The following STRN variants were observed in gnomAD, a reference collection of about 807,000 sequenced individuals.
STRN encodes the protein protein phosphatase 2 regulatory subunit B'''alpha.
STRN carries 53 observed loss-of-function variants against 96.3 expected under a neutral mutation model. That is an observed-to-expected ratio of 0.55 (90% confidence interval 0.44 to 0.69). The LOEUF (loss-of-function observed/expected upper bound fraction) is 0.69, where lower values mean the gene tolerates loss of function less well. Ranked by LOEUF, STRN falls within the 30% of genes least tolerant of loss-of-function variation. The probability of loss-of-function intolerance (pLI) is 0.00; values close to 1 mark genes in which losing one functional copy is unlikely to be tolerated. For missense variants in STRN, 987 were observed against 963.9 expected, an observed-to-expected ratio of 1.02 and a Z score of -0.32; for synonymous variants, 428 against 355.9, an observed-to-expected ratio of 1.20 and a Z score of -2.28.
At chr2:36,862,569 G>A (rs553288981) in intron 12 of STRN, among the ~76,000 whole-genome samples, 4 of 152,090 alleles carry the variant, frequency 2.6e-5, no homozygotes, top group Admixed American at 2.6e-4. Context: ...ATCTGTTCAT[G>A]TTCTTTGCCC....
At chr2:36,904,392 G>A (rs1344770972) in intron 4 of STRN, among the ~76,000 whole-genome samples, 1 of 152,110 alleles carries the variant, frequency 6.6e-6, no homozygotes, top group Non-Finnish European at 1.5e-5. Context: ...ATTTTACTGA[G>A]GCACAAATCT....
rs1572624049 is a variant in STRN at position 36,855,275 on chromosome 2, T to C, written c.1915A>G (p.Thr639Ala). The C allele has an allele frequency of 6.2e-7, 1 of 1,613,942 alleles. No homozygotes were observed. The highest frequency in any genetic ancestry group is 2.2e-5 in the East Asian group (1 of 44,858). Residue 639 changes from threonine to alanine, a missense_variant, in exon 15 of 18, where the codon ACA becomes GCA. Transcript: ENST00000263918. The part of the protein sequence containing the change: ...HMVASFSKGY[T>A]SIFNMETQQR... ...TGTGTTTCCATGTTAAAAATGCTTG[T>C]ATATCCCTTGCTGAATGATGCTACC...
intron 1 of STRN, among the ~76,000 whole-genome samples, chr2:36,946,981 C>T (rs1432383051): frequency 6.6e-6 from 1 of 152,044 alleles, no homozygotes; most frequent in Non-Finnish European, 1.5e-5. Context: ...CTGCAACCTC[C>T]ACCTCCCAGG....
At chr2:36,937,297 T>C (rs1280279837) in intron 1 of STRN, among the ~76,000 whole-genome samples, 2 of 139,586 alleles carry the variant, frequency 1.4e-5, no homozygotes, top group African/African-American at 2.7e-5. Flanking sequence ...TGAGCCAAGA[T>C]CATGCCACTG....
chr2:36,862,239 A>G (rs145074351), intron 12 of STRN, among the ~76,000 whole-genome samples: 3,349 of 152,272 alleles, frequency 0.022, 50 homozygotes, highest in African/African-American at 0.045. Context: ...ATGTGTCTTT[A>G]TAGCAGAATG....
At chr2:36,917,990 T>C (rs1445941060) in intron 2 of STRN, among the ~76,000 whole-genome samples, 1 of 152,178 alleles carries the variant, frequency 6.6e-6, no homozygotes, top group Non-Finnish European at 1.5e-5. Context: ...ACGTAAGATA[T>C]CAGTTGATAA....
In STRN at chr2:36,846,716, A is replaced by G. The variant is rs1668087851; in HGVS notation, c.*2740T>C. ...ATGGCAAAAGTTGTTAAACTTGTTC[A>G]ATAGAAAAATACTGAAGGTCATTAT... On this transcript the variant is annotated 3_prime_UTR_variant, in exon 18 of 18. Coordinates refer to ENST00000263918, the MANE Select transcript of STRN (RefSeq NM_003162.4). 6.6e-6 allele frequency: 1 copy of G among 151,950 alleles called. No individual in the cohort carries two copies. The highest frequency in any genetic ancestry group is 1.5e-5 in the Non-Finnish European group (1 of 67,982). 9.4% of individuals were successfully genotyped at this position (151,950 alleles called of 1,614,324 possible). A position where few individuals can be genotyped will look rare whatever the true frequency, so the allele number is the denominator to read the frequency against.
Position 36,966,446 on chromosome 2 carries a change from AC to A in STRN, c.17del (p.Gly6ValfsTer89). 1 of 1,460,308 alleles carries A rather than the reference AC, an allele frequency of 6.8e-7. No individual in the cohort carries two copies. 90.5% of individuals were successfully genotyped at this position (1,460,308 alleles called of 1,614,324 possible). A position where few individuals can be genotyped will look rare whatever the true frequency, so the allele number is the denominator to read the frequency against. ...GGTTGTTGCTGAAGAAGACGCCGGG[AC>A]CCGCCTGCTCGTCCATGGCGGCCGC... MDEQAGPGVFFSNNHP... is the reference protein window; with the variant it reads MDEQAXPGVFFSNNHP... On this transcript the variant is annotated frameshift_variant, in exon 1 of 18. Coordinates refer to ENST00000263918, the MANE Select transcript of STRN (RefSeq NM_003162.4). LOFTEE classifies it high-confidence loss of function.
At chr2:36,938,246 C>T (rs976085854) in intron 1 of STRN, among the ~76,000 whole-genome samples, 4 of 151,706 alleles carry the variant, frequency 2.6e-5, no homozygotes, top group African/African-American at 9.7e-5. Context: ...GCTGACATGG[C>T]AAAACACCGC....
intron 3 of STRN, among the ~76,000 whole-genome samples, chr2:36,907,782 A>G (rs918896236): frequency 6.6e-6 from 1 of 152,180 alleles, no homozygotes; most frequent in Non-Finnish European, 1.5e-5. Context: ...TATCACTACA[A>G]TAAGAAATTA....
At chr2:36,869,504 GA>G (rs766145655) in intron 11 of STRN, 49 bp downstream of exon 11, 5 of 1,368,742 alleles carry the variant, frequency 3.7e-6, no homozygotes, top group Non-Finnish European at 4.8e-6. Flanking sequence ...GTTTTCTGCT[GA>G]AAATGTTACT....
Position 36,855,209 on chromosome 2 carries a change from T to C in STRN, c.1978+3A>G. On this transcript the variant is annotated splice_donor_region_variant and intron_variant, in intron 15 of 17. Coordinates refer to ENST00000263918, the MANE Select transcript of STRN (RefSeq NM_003162.4). The stretch of plus-strand genomic sequence containing the variant: ...ACAGACAATTTAAAATTGGTATGCA[T>C]ACTTGTATCTACATTGGATTCTAAA... 1 of 1,612,892 alleles carries C rather than the reference T, an allele frequency of 6.2e-7. No individual in the cohort carries two copies. The highest frequency in any genetic ancestry group is 2.2e-5 in the East Asian group (1 of 44,844).
intron 1 of STRN, among the ~76,000 whole-genome samples, chr2:36,929,780 C>T (rs563930553): frequency 1.3e-5 from 2 of 152,154 alleles, no homozygotes; most frequent in Non-Finnish European, 2.9e-5. Flanking sequence ...ATGAAAAATA[C>T]ACAAAATTCT....
At chr2:36,930,035 C>G (rs953056464) in intron 1 of STRN, among the ~76,000 whole-genome samples, 5 of 152,166 alleles carry the variant, frequency 3.3e-5, no homozygotes, top group African/African-American at 7.2e-5. Context: ...TAAACTATAT[C>G]TATTCCCTCT....
At chr2:36,864,505 C>T (rs942858767) in intron 12 of STRN, among the ~76,000 whole-genome samples, 2 of 152,132 alleles carry the variant, frequency 1.3e-5, no homozygotes, top group African/African-American at 2.4e-5. Flanking sequence ...GGGATAAAGC[C>T]TGCCTGATTG....
intron 13 of STRN, among the ~76,000 whole-genome samples, chr2:36,858,945 A>C (rs1668414253): frequency 6.6e-6 from 1 of 152,220 alleles, no homozygotes. Flanking sequence ...CCTAGAATTT[A>C]CAGATGTTAG....
intron 13 of STRN, among the ~76,000 whole-genome samples, chr2:36,859,649 A>G (rs1382350910): frequency 6.6e-6 from 1 of 152,224 alleles, no homozygotes; most frequent in African/African-American, 2.4e-5. Flanking sequence ...GAATGTTTGT[A>G]CACTGCAAAA....
At position 36,841,583 on chromosome 2, in the gene STRN, G is replaced by A. The variant is rs1010705012; in HGVS notation, c.*7873C>T. ...AAAGCATAGTCAAAACCATTCAAAA[G>A]AGAACTCACTCTGTAAAAACGATTC... On this transcript the variant is annotated 3_prime_UTR_variant, in exon 18 of 18. Transcript: ENST00000263918. 1 of 152,140 alleles carries A rather than the reference G, an allele frequency of 6.6e-6. No individual in the cohort carries two copies. Among genetic ancestry groups the A allele is most frequent in the African/African-American group, 2.4e-5 (1 of 41,434 alleles). The allele number at this position is 152,140 out of a possible 1,614,324, so 9.4% of individuals were successfully genotyped here.
chr2:36,940,373 T>C lies in STRN; in HGVS notation c.235-15165A>G, dbSNP rs953285559. Among the ~76,000 whole-genome samples, 4 of 152,138 alleles carry C rather than the reference T, an allele frequency of 2.6e-5. No individual in the cohort carries two copies. The East Asian group carries it at 5.8e-4, about 22-fold the overall frequency. ...GTTGATAAAGAACCATGAGAATATA[T>C]AGAGCTGAATCATCACACGGAAAAC... On this transcript the variant is annotated intron_variant, in intron 1 of 17. Transcript: ENST00000263918.
Sources: gnomAD v4.1 joint callset for allele counts (sites outside exome capture counted in the v4.1 genomes callset) on GRCh38, gnomAD v4.1.1 for gene constraint, MANE v1.5 for transcripts, NCBI Gene and HGNC (gene_info 2026-07-23, HGNC 2026-07-21) for gene names.